Variants in TACC2 observed in about 807,000 individuals in gnomAD.
TACC2 encodes transforming acidic coiled-coil-containing protein 2.
A neutral mutation model predicts 227.3 loss-of-function variants in TACC2; 137 were observed. That is an observed-to-expected ratio of 0.60 (90% CI 0.52 to 0.69). The LOEUF (loss-of-function observed/expected upper bound fraction) is 0.69, where lower values mean the gene tolerates loss of function less well. TACC2 is among the 30% of genes least tolerant of loss of function. The pLI, the probability that TACC2 is intolerant of heterozygous loss-of-function variation, is 0.00. For synonymous variants in TACC2, 1,523 were observed against 1,487.5 expected, an observed-to-expected ratio of 1.02 and a Z score of -0.55; for missense variants, 3,470 against 3,694.4, an observed-to-expected ratio of 0.94 and a Z score of 1.57.
rs56185263 is a variant in TACC2, at chr10:122,051,765, C to CTTTTTTTTTT, written c.146+1233_146+1242dup. 4.9e-4 allele frequency: 60 copies of CTTTTTTTTTT among 122,438 alleles called. 2 individuals are homozygous for CTTTTTTTTTT. The highest frequency in any genetic ancestry group is 7.4e-4 in the Non-Finnish European group (44 of 59,858). The allele number at this position is 122,438 out of a possible 1,614,324, so 7.6% of individuals were successfully genotyped here. A position where few individuals can be genotyped will look rare whatever the true frequency, so the allele number is the denominator to read the frequency against. On this transcript the variant is annotated intron_variant, in intron 3 of 22. Transcript: ENST00000369005. ...TGCAAAACCTTGAGACTCAAAGTGA[C>CTTTTTTTTTT]TTTTTTTTTTTTTTTTTTTTTTTTT...
chr10:122,203,940 G>A (rs1174651081), intron 8 of TACC2, among the ~76,000 whole-genome samples: 2 of 152,044 alleles, frequency 1.3e-5, no homozygotes, highest in African/African-American at 2.4e-5. Flanking sequence ...CGGATCACTC[G>A]CGGTTAGGGG....
intron 3 of TACC2, among the ~76,000 whole-genome samples, chr10:122,053,765 G>A (rs552867621): frequency 2.0e-5 from 3 of 152,254 alleles, no homozygotes; most frequent in South Asian, 2.1e-4. Flanking sequence ...ACTCTCAGGC[G>A]CATTGGCCTT....
rs779793527 is a variant in TACC2, at chr10:122,143,566, C to T, written c.5700-6C>T. The T allele has an allele frequency of 8.1e-6, 13 of 1,613,486 alleles. No homozygotes were observed. The Admixed American group carries it at 2.2e-4, about 27-fold the overall frequency. On this transcript the variant is annotated splice_polypyrimidine_tract_variant and splice_region_variant and intron_variant, in intron 6 of 22. Transcript: ENST00000369005. ...ATGTGGAATAATTCCCTCATTGTGT[C>T]CCCAGCATCTCCCCAGCTGCTGCCC...
intron 3 of TACC2, among the ~76,000 whole-genome samples, chr10:122,053,027 A>AT (rs1470141360): frequency 9.2e-5 from 14 of 152,096 alleles, no homozygotes; most frequent in Non-Finnish European, 1.6e-4. Flanking sequence ...AGATCATTGC[A>AT]TTTTTTTTAA....
Position 122,229,433 on chromosome 10 carries a change from C to T in TACC2, c.7984C>T (p.Leu2662=). ...CTCTCTCTGTGGTGCACTTGACTAT[C>T]TGGAGCCCGACTTAGCAGAAAAGAA... is the stretch of plus-strand genomic sequence containing the variant. ...PVSLCGALDY[L]EPDLAEKNPP... The change falls in exon 15 of 23, where the codon CTG becomes TTG. Residue 2662 remains leucine (L), a synonymous_variant. Coordinates refer to ENST00000369005, the MANE Select transcript of TACC2 (RefSeq NM_206862.4). The T allele has an allele frequency of 6.2e-7, 1 of 1,614,054 alleles. No individual in the cohort carries two copies. The highest frequency in any genetic ancestry group is 8.5e-7 in the Non-Finnish European group (1 of 1,180,016).
rs750136554 is a variant in TACC2 at position 122,083,753 on chromosome 10, C to T, written c.1253C>T (p.Pro418Leu). Reference protein sequence around the residue: ...SLLTPTEEAHPASSLASFPAA... With the variant: ...SLLTPTEEAHLASSLASFPAA... The stretch of plus-strand genomic sequence containing the variant: ...CTCACTCCGACTGAGGAAGCACATC[C>T]AGCTTCAAGCCTCGCTTCATTCCCA... The change falls in exon 4 of 23, where the codon CCA becomes CTA. Residue 418 changes from proline to leucine, a missense_variant. Pro to Leu is a moderately conservative substitution (Grantham distance 98, BLOSUM62 -3). Transcript: ENST00000369005. The T allele has an allele frequency of 2.4e-5, 38 of 1,613,952 alleles. No individual in the cohort carries two copies. Among genetic ancestry groups the T allele is most frequent in the Non-Finnish European group, 3.1e-5 (36 of 1,180,000 alleles).
chr10:122,135,021 A>C (rs895010000), intron 6 of TACC2, among the ~76,000 whole-genome samples: 1 of 152,146 alleles, frequency 6.6e-6, no homozygotes, highest in Non-Finnish European at 1.5e-5. Flanking sequence ...TGTTTCATCG[A>C]GTGTCTCCGT....
rs1335291450 is a variant in TACC2 at position 122,084,990 on chromosome 10, C to A, written c.2490C>A (p.Leu830=). 6.2e-7 allele frequency: 1 copy of A among 1,614,188 alleles called. No homozygotes were observed. The highest frequency in any genetic ancestry group is 1.3e-5 in the African/African-American group (1 of 75,044). Residue 830 remains leucine, a synonymous_variant, in exon 4 of 23, where the codon CTC becomes CTA. Coordinates refer to ENST00000369005, the MANE Select transcript of TACC2 (RefSeq NM_206862.4). The part of the protein sequence containing the change: ...EWPLLSSEKH[L]QPSQAQPETS... ...CCCTACTATCTTCTGAGAAGCATCT[C>A]CAGCCATCCCAGGCACAACCAGAGA...
At chr10:122,246,654 A>G (rs1026444848) in intron 19 of TACC2, 1 of 152,264 alleles carries the variant, frequency 6.6e-6, no homozygotes, top group Admixed American at 6.5e-5. Context: ...GTGATGCTCT[A>G]AGTTGTTCAC....
intron 7 of TACC2, chr10:122,163,808 C>G (rs892801032): frequency 1.3e-5 from 18 of 1,405,670 alleles, no homozygotes; most frequent in South Asian, 1.1e-4. Context: ...CAGCTGCTCC[C>G]CTCTGCAGTG....
At chr10:122,221,986 A>G (rs1173616042) in intron 11 of TACC2, among the ~76,000 whole-genome samples, 1 of 152,200 alleles carries the variant, frequency 6.6e-6, no homozygotes, top group African/African-American at 2.4e-5. Flanking sequence ...CAGTGCCCCC[A>G]TATGAAATAA....
chr10:122,162,319 G>A (rs987830577), intron 7 of TACC2, among the ~76,000 whole-genome samples: 6 of 152,144 alleles, frequency 3.9e-5, no homozygotes, highest in South Asian at 2.1e-4. Flanking sequence ...TGGCCACGTC[G>A]CTAGAAAACA....
At chr10:122,198,019 C>A (rs2094634311) in intron 8 of TACC2, among the ~76,000 whole-genome samples, 1 of 152,214 alleles carries the variant, frequency 6.6e-6, no homozygotes, top group South Asian at 2.1e-4. Context: ...TGCACAGTGC[C>A]CGGGATGTTG....
chr10:122,062,978 TAG>T (rs2077000771), intron 3 of TACC2, among the ~76,000 whole-genome samples: 1 of 152,140 alleles, frequency 6.6e-6, no homozygotes, highest in Non-Finnish European at 1.5e-5. Flanking sequence ...GAACTTGTTC[TAG>T]GTCACACAGA....
In TACC2 at chr10:122,218,584, C is replaced by T. The variant is rs147490175; in HGVS notation, c.7546+1756C>T. The stretch of plus-strand genomic sequence containing the variant: ...CATATCTTCTCCCTACCCAAAACTG[C>T]CTTTCTAAATTTGACAATGAAAAGA... On this transcript the variant is annotated intron_variant, in intron 11 of 22. Coordinates refer to ENST00000369005, the MANE Select transcript of TACC2 (RefSeq NM_206862.4). Among the ~76,000 whole-genome samples the T allele has an allele frequency of 3.3e-5, 5 of 152,256 alleles. No homozygotes were observed. In the East Asian group the frequency reaches 9.6e-4, roughly 29 times the overall value.
At chr10:122,182,368 G>C (rs1343123243) in intron 7 of TACC2, among the ~76,000 whole-genome samples, 1 of 152,232 alleles carries the variant, frequency 6.6e-6, no homozygotes, top group Non-Finnish European at 1.5e-5. Context: ...ATGGCAGGGA[G>C]GGTGTGATGC....
chr10:122,248,147 C>T (rs533667095), intron 19 of TACC2: 5 of 154,982 alleles, frequency 3.2e-5, no homozygotes, highest in Non-Finnish European at 7.2e-5. Flanking sequence ...AGAGGAGATG[C>T]TTTTTTGGGC....
chr10:122,153,808 G>T (rs1285934477), intron 7 of TACC2, among the ~76,000 whole-genome samples: 1 of 152,178 alleles, frequency 6.6e-6, no homozygotes. Flanking sequence ...ACTTCTCAGG[G>T]TCAGCTTAAG....
At chr10:122,042,508 T>G (rs2459076) in intron 2 of TACC2, among the ~76,000 whole-genome samples, 124,169 of 152,118 alleles carry the variant, frequency 0.82, 50,737 homozygotes, top group Middle Eastern at 0.87. Flanking sequence ...CTCCCAAAGT[T>G]CTGGAATTAC....
Sources: gnomAD v4.1 joint callset for allele counts (sites outside exome capture counted in the v4.1 genomes callset) on GRCh38, gnomAD v4.1.1 for gene constraint, MANE v1.5 for transcripts, NCBI Gene and HGNC (gene_info 2026-07-23, HGNC 2026-07-21) for gene names.